CEMIP: variants seen among roughly 807,000 people sequenced by gnomAD.
The protein encoded by CEMIP is cell migration inducing hyaluronidase 1.
Under a neutral mutation model 156.9 loss-of-function variants are expected in CEMIP, and 105 were observed. That is an observed-to-expected ratio of 0.67 (90% CI 0.57 to 0.79). The LOEUF is 0.79. Ranked by LOEUF, CEMIP falls within the 30% of genes least tolerant of loss-of-function variation. The probability of loss-of-function intolerance (pLI) is 0.00; values close to 1 mark genes in which losing one functional copy is unlikely to be tolerated. For synonymous variants in CEMIP, 676 were observed against 668.4 expected, an observed-to-expected ratio of 1.01 and a Z score of -0.17; for missense variants, 1,457 against 1,769.4, an observed-to-expected ratio of 0.82 and a Z score of 3.17.
At chr15:80,828,666 AGTTTTCTAAAAGCAGG>A (rs1209139957) in intron 1 of CEMIP, among the ~76,000 whole-genome samples, 3 of 152,236 alleles carry the variant, frequency 2.0e-5, no homozygotes, top group African/African-American at 7.2e-5. Context: ...TCACACATGG[AGTTTTCTAAAAGCAGG>A]GCGTAGTGGA....
chr15:80,942,897 T>C (rs1901395111), intron 27 of CEMIP, 48 bp from the exon 28 acceptor site: 6 of 1,611,822 alleles, frequency 3.7e-6, no homozygotes, highest in Non-Finnish European at 5.1e-6. Context: ...AGGAGAACCA[T>C]GGGGCCTTGG....
chr15:80,811,808 C>T (rs1218581017), intron 1 of CEMIP, among the ~76,000 whole-genome samples: 1 of 152,156 alleles, frequency 6.6e-6, no homozygotes, highest in East Asian at 1.9e-4. Context: ...CTGCCTGCCT[C>T]AGCCTCCCAA....
chr15:80,808,993 T>C lies in CEMIP; in HGVS notation c.-176+29379T>C, dbSNP rs74553668. On this transcript the variant is annotated intron_variant, in intron 1 of 29. Transcript: ENST00000394685. The stretch of plus-strand genomic sequence containing the variant: ...GATGATAAATATGAATGCTCGAGGA[T>C]GAAGAAACAAGAGTAAGTTATTGAT... 5.3e-3 allele frequency among the ~76,000 whole-genome samples: 802 copies of C among 152,314 alleles called. 4 individuals carry two copies. Among genetic ancestry groups the C allele is most frequent in the African/African-American group, 0.018 (760 of 41,574 alleles).
chr15:80,795,029 A>G (rs907649931), intron 1 of CEMIP, among the ~76,000 whole-genome samples: 4 of 151,954 alleles, frequency 2.6e-5, no homozygotes, highest in Non-Finnish European at 5.9e-5. Flanking sequence ...TGAGGATGCA[A>G]AGAGGCCTCA....
intron 24 of CEMIP, 81 bp downstream of exon 24, chr15:80,936,966 C>A: frequency 3.0e-6 from 4 of 1,332,362 alleles, no homozygotes; most frequent in Non-Finnish European, 4.3e-6. Context: ...TTGCGTCTAA[C>A]GAAACCACAG....
intron 1 of CEMIP, among the ~76,000 whole-genome samples, chr15:80,789,295 G>A (rs1159345026): frequency 6.6e-6 from 1 of 152,208 alleles, no homozygotes; most frequent in Admixed American, 6.5e-5. Context: ...GAGAAGACAG[G>A]AACGTGTGTC....
chr15:80,897,709 T>C (rs944377754), intron 12 of CEMIP, among the ~76,000 whole-genome samples: 2 of 152,052 alleles, frequency 1.3e-5, no homozygotes, highest in Non-Finnish European at 2.9e-5. Context: ...TAAACACAAG[T>C]CCAAGTAAAT....
At chr15:80,806,452 G>C (rs989649514) in intron 1 of CEMIP, among the ~76,000 whole-genome samples, 1 of 152,178 alleles carries the variant, frequency 6.6e-6, no homozygotes, top group Non-Finnish European at 1.5e-5. Flanking sequence ...GAAGAAAAAG[G>C]TCTCCTTGCA....
intron 24 of CEMIP, 62 bp from the exon 25 acceptor site, chr15:80,937,732 G>A (rs1362280050): frequency 6.6e-7 from 1 of 1,516,060 alleles, no homozygotes. Context: ...TCCAAGGCAT[G>A]CTCCAAAGGC....
intron 12 of CEMIP, chr15:80,897,169 A>T: frequency 4.6e-6 from 2 of 436,008 alleles, no homozygotes; most frequent in South Asian, 3.2e-5. Context: ...ATCACATGCT[A>T]CAGGACCATA....
intron 1 of CEMIP, among the ~76,000 whole-genome samples, chr15:80,820,860 T>C (rs1489903152): frequency 6.6e-6 from 1 of 152,274 alleles, no homozygotes; most frequent in African/African-American, 2.4e-5. Flanking sequence ...CAATTTCTGG[T>C]ATTTAATAAA....
intron 12 of CEMIP, among the ~76,000 whole-genome samples, chr15:80,901,964 A>G (rs751203033): frequency 6.6e-6 from 1 of 152,086 alleles, no homozygotes; most frequent in Non-Finnish European, 1.5e-5. Flanking sequence ...ACCTGGGTTT[A>G]AGTTTGCTTT....
intron 1 of CEMIP, among the ~76,000 whole-genome samples, chr15:80,862,130 A>G (rs990116860): frequency 2.6e-5 from 4 of 152,250 alleles, no homozygotes; most frequent in Admixed American, 2.0e-4. Flanking sequence ...TGGGGAAGCC[A>G]GAGTTGGGAC....
rs150655216 is a variant in CEMIP, at chr15:80,878,613, G to A, written c.95-108G>A. ...AGGTCTTGCTTTTAGCTCTAACAGA[G>A]AGGAGGTAGGGGCCTTAAAGATGCA... is the stretch of plus-strand genomic sequence containing the variant. On this transcript the variant is annotated intron_variant, in intron 3 of 29. Transcript: ENST00000394685. 4.2e-3 allele frequency: 6,002 copies of A among 1,430,562 alleles called. 22 individuals are homozygous for A. The highest frequency in any genetic ancestry group is 6.9e-3 in the Middle Eastern group (29 of 4,198). The allele number at this position is 1,430,562 out of a possible 1,614,324, so 88.6% of individuals were successfully genotyped here. A position where few individuals can be genotyped will look rare whatever the true frequency, so the allele number is the denominator to read the frequency against.
chr15:80,918,989 G>A (rs1393444827), intron 14 of CEMIP, among the ~76,000 whole-genome samples: 4 of 152,110 alleles, frequency 2.6e-5, no homozygotes, highest in Non-Finnish European at 5.9e-5. Flanking sequence ...GAGAAGATAG[G>A]AGGCTTGTCT....
chr15:80,926,268 A>T (rs1436273038), intron 19 of CEMIP, among the ~76,000 whole-genome samples: 1 of 152,214 alleles, frequency 6.6e-6, no homozygotes, highest in African/African-American at 2.4e-5. Context: ...TCCAAGACCC[A>T]AATGAAAAAG....
chr15:80,866,576 G>T (rs1596143727), intron 1 of CEMIP, among the ~76,000 whole-genome samples: 1 of 148,174 alleles, frequency 6.7e-6, no homozygotes, highest in East Asian at 2.0e-4. Context: ...AGGTGACAGA[G>T]TGAGACTCTG....
intron 1 of CEMIP, among the ~76,000 whole-genome samples, chr15:80,844,003 G>A (rs762911962): frequency 2.0e-4 from 31 of 152,224 alleles, no homozygotes; most frequent in Non-Finnish European, 4.3e-4. Context: ...TGCAGCCCAC[G>A]TTTGTGTTGC....
intron 1 of CEMIP, among the ~76,000 whole-genome samples, chr15:80,814,037 C>CT (rs138917629): frequency 0.025 from 3,180 of 129,012 alleles, 149 homozygotes; most frequent in African/African-American, 0.089. Context: ...AGTCCAAACT[C>CT]TTTGGCTTTT....
Sources: allele counts gnomAD v4.1 joint callset (sites outside exome capture counted in the v4.1 genomes callset), GRCh38; gene constraint gnomAD v4.1.1; transcripts MANE v1.5; gene names NCBI Gene and HGNC (gene_info 2026-07-23, HGNC 2026-07-21).